The following ATP8B4 variants were observed in gnomAD, a reference collection of about 807,000 sequenced individuals.
ATP8B4 encodes the protein probable phospholipid-transporting ATPase IM.
A neutral mutation model predicts 145.6 loss-of-function variants in ATP8B4; 133 were observed. That is an observed-to-expected ratio of 0.91 (90% confidence interval 0.79 to 1.05). ATP8B4 has a LOEUF of 1.05. ATP8B4 is among the 50% of genes least tolerant of loss of function. The pLI, the probability that ATP8B4 is intolerant of heterozygous loss-of-function variation, is 0.00. For missense variants in ATP8B4, 1,458 were observed against 1,425.2 expected, an observed-to-expected ratio of 1.02 and a Z score of -0.37; for synonymous variants, 507 against 492.9, an observed-to-expected ratio of 1.03 and a Z score of -0.38.
intron 6 of ATP8B4, among the ~76,000 whole-genome samples, chr15:50,019,255 A>C (rs1166130943): frequency 6.6e-6 from 1 of 152,230 alleles, no homozygotes; most frequent in Non-Finnish European, 1.5e-5. Flanking sequence ...TACATGTTGT[A>C]GAACTGGAAA....
rs894652163 is a variant in ATP8B4 at position 49,997,092 on chromosome 15, C to T, written c.507-333G>A. ...TTACAAAACACATTCAGAATTGGAA[C>T]ACAGTTGCCAAATAAAGGAGGCTAA... is the stretch of plus-strand genomic sequence containing the variant. On this transcript the variant is annotated intron_variant, in intron 8 of 27. Transcript: ENST00000284509. Among the ~76,000 whole-genome samples the T allele has an allele frequency of 1.3e-5, 2 of 152,144 alleles. 1 individual carries two copies. The highest frequency in any genetic ancestry group is 4.1e-4 in the South Asian group (2 of 4,824).
chr15:49,918,998 A>G (rs764505489), intron 18 of ATP8B4, 48 bp from the exon 19 acceptor site: 11 of 1,296,728 alleles, frequency 8.5e-6, no homozygotes, highest in African/African-American at 2.9e-5. Context: ...TGCAAACAAT[A>G]TCTATAACAT....
chr15:50,130,723 T>A (rs955003104), intron 1 of ATP8B4, among the ~76,000 whole-genome samples: 1 of 151,628 alleles, frequency 6.6e-6, no homozygotes, highest in Non-Finnish European at 1.5e-5. Context: ...CTGCAGTGAG[T>A]CGAGATGGTG....
chr15:49,981,244 T>C lies in ATP8B4; in HGVS notation c.799A>G (p.Thr267Ala). 1 of 1,610,892 alleles carries C rather than the reference T, an allele frequency of 6.2e-7. No individual in the cohort carries two copies. Among genetic ancestry groups the C allele is most frequent in the Non-Finnish European group, 8.5e-7 (1 of 1,178,858 alleles). ...QNSGKTKFKR[T>A]SIDRLMNTLV... is the part of the protein sequence containing the mutation. ...GTATTCATCAATCTATCAATGCTTG[T>C]CCTTTTAAACTTTGTCTTACCACTA... The change falls in exon 11 of 28, where the codon ACA becomes GCA. Residue 267 changes from threonine to alanine, a missense_variant. By Grantham distance (58) the Thr-to-Ala change is moderately conservative. Coordinates refer to ENST00000284509, the MANE Select transcript of ATP8B4 (RefSeq NM_024837.4).
intron 3 of ATP8B4, among the ~76,000 whole-genome samples, chr15:50,062,274 T>C (rs1470495395): frequency 1.3e-5 from 2 of 152,078 alleles, no homozygotes; most frequent in African/African-American, 2.4e-5. Flanking sequence ...CAATAGTGAG[T>C]TCTAGTGAGA....
At chr15:50,101,941 C>G (rs987455421) in intron 2 of ATP8B4, among the ~76,000 whole-genome samples, 1 of 151,968 alleles carries the variant, frequency 6.6e-6, no homozygotes, top group African/African-American at 2.4e-5. Context: ...CAAAAGGAAC[C>G]CTTAAAACCA....
At chr15:50,041,716 G>A (rs547704504) in intron 5 of ATP8B4, among the ~76,000 whole-genome samples, 3 of 152,288 alleles carry the variant, frequency 2.0e-5, no homozygotes, top group Admixed American at 6.5e-5. Context: ...AGCCAAGGCA[G>A]GCAGATCACG....
chr15:50,077,229 G>A lies in ATP8B4; in HGVS notation c.29-3044C>T, dbSNP rs1473460361. Reference sequence around the variant, plus strand: ...TGTATAAAATATAGTAAGCCAGCATGTTTAAAGTGGACTAAAAGAGCTAAA... The same window carrying A: ...TGTATAAAATATAGTAAGCCAGCATATTTAAAGTGGACTAAAAGAGCTAAA... On this transcript the variant is annotated intron_variant, in intron 2 of 27. Coordinates refer to ENST00000284509, the MANE Select transcript of ATP8B4 (RefSeq NM_024837.4). 2.0e-5 allele frequency among the ~76,000 whole-genome samples: 3 copies of A among 152,232 alleles called. No individual in the cohort carries two copies. The East Asian group carries it at 5.8e-4, about 29-fold the overall frequency.
At chr15:50,153,502 C>G (rs1022427117) in intron 1 of ATP8B4, among the ~76,000 whole-genome samples, 1 of 152,104 alleles carries the variant, frequency 6.6e-6, no homozygotes, top group African/African-American at 2.4e-5. Context: ...CCGTGCCCAG[C>G]TAATTTTTGT....
chr15:49,889,270 C>T (rs2036542870), intron 23 of ATP8B4, among the ~76,000 whole-genome samples: 1 of 152,170 alleles, frequency 6.6e-6, no homozygotes, highest in Non-Finnish European at 1.5e-5. Flanking sequence ...CCTGCAGGAT[C>T]AGGATCCTCC....
chr15:49,952,591 T>TC (rs2043198387), intron 14 of ATP8B4, among the ~76,000 whole-genome samples: 1 of 152,172 alleles, frequency 6.6e-6, no homozygotes, highest in Non-Finnish European at 1.5e-5. Flanking sequence ...AGTTAGCAAT[T>TC]CCTCTAACCT....
intron 23 of ATP8B4, among the ~76,000 whole-genome samples, chr15:49,881,065 T>A (rs2035321707): frequency 6.6e-6 from 1 of 151,934 alleles, no homozygotes; most frequent in Non-Finnish European, 1.5e-5. Flanking sequence ...TAAGCCAAGA[T>A]CACGCCACTG....
intron 1 of ATP8B4, among the ~76,000 whole-genome samples, chr15:50,139,252 C>G (rs776219404): frequency 1.3e-5 from 2 of 152,222 alleles, no homozygotes; most frequent in Non-Finnish European, 2.9e-5. Context: ...GAATACCATG[C>G]AGCCATAAAA....
chr15:50,173,143 G>A (rs939487481), intron 1 of ATP8B4, among the ~76,000 whole-genome samples: 20 of 151,866 alleles, frequency 1.3e-4, no homozygotes, highest in African/African-American at 1.7e-4. Flanking sequence ...CGGCCGCCCC[G>A]TCTGGGAAGT....
At chr15:50,078,339 C>T (rs576916366) in intron 2 of ATP8B4, among the ~76,000 whole-genome samples, 18 of 151,916 alleles carry the variant, frequency 1.2e-4, no homozygotes, top group African/African-American at 4.3e-4. Context: ...AGCCACCATA[C>T]CCAGCACCTC....
intron 14 of ATP8B4, among the ~76,000 whole-genome samples, chr15:49,960,089 G>A (rs992324745): frequency 2.0e-5 from 3 of 149,986 alleles, no homozygotes; most frequent in African/African-American, 4.9e-5. Flanking sequence ...GTGCAGTGGC[G>A]AGATCTCAGC....
At chr15:50,007,637 T>G (rs1050202563) in intron 7 of ATP8B4, among the ~76,000 whole-genome samples, 2 of 152,182 alleles carry the variant, frequency 1.3e-5, no homozygotes, top group Non-Finnish European at 2.9e-5. Context: ...TTTCATGACC[T>G]TCATGACCTG....
At chr15:50,005,744 C>A (rs777605928) in intron 7 of ATP8B4, among the ~76,000 whole-genome samples, 1 of 152,214 alleles carries the variant, frequency 6.6e-6, no homozygotes, top group East Asian at 1.9e-4. Flanking sequence ...TGGTGGGCTA[C>A]TAAATCACTG....
intron 1 of ATP8B4, chr15:50,114,384 G>A (rs2057100576): frequency 6.6e-6 from 1 of 152,026 alleles, no homozygotes; most frequent in Non-Finnish European, 1.5e-5. Flanking sequence ...CCATTCCTGA[G>A]TTACTTCAAT....
Sources: gnomAD v4.1 joint callset for allele counts (sites outside exome capture counted in the v4.1 genomes callset) on GRCh38, gnomAD v4.1.1 for gene constraint, MANE v1.5 for transcripts, NCBI Gene and HGNC (gene_info 2026-07-23, HGNC 2026-07-21) for gene names.